Variants in CSPG4 observed in about 807,000 individuals in gnomAD.
The protein encoded by CSPG4 is chondroitin sulfate proteoglycan 4 (melanoma-associated).
CSPG4 carries 74 observed loss-of-function variants against 139.3 expected under a neutral mutation model. That is an observed-to-expected ratio of 0.53 (90% CI 0.44 to 0.64). CSPG4 has a LOEUF of 0.64. Among genes scored for constraint, CSPG4 ranks in the 30% least tolerant of loss-of-function variants. The probability of loss-of-function intolerance (pLI) is 0.00; values close to 1 mark genes in which losing one functional copy is unlikely to be tolerated. For synonymous variants in CSPG4, 1,234 were observed against 1,394.2 expected (o/e 0.89, Z 2.56); for missense variants, 2,565 against 3,148.3 (o/e 0.81, Z 4.43).
Position 75,698,580 on chromosome 15 carries a change from C to T in CSPG4, c.89-5347G>A, listed in dbSNP as rs907372731. On this transcript the variant is annotated intron_variant, in intron 1 of 9. Coordinates refer to ENST00000308508, the MANE Select transcript of CSPG4 (RefSeq NM_001897.5). This position sits in a 1 kb window ranked among gnomAD's most constrained non-coding sequence, Gnocchi z 4.3. ...TGTGGGTCAGTGTCACATGTACACA[C>T]GTGTGTGGCGGCAAGGCAGGCGAGG... 1.1e-4 allele frequency among the ~76,000 whole-genome samples: 17 copies of T among 152,174 alleles called. No homozygotes were observed. The highest frequency in any genetic ancestry group is 2.9e-4 in the African/African-American group (12 of 41,518).
intron 5 of CSPG4, among the ~76,000 whole-genome samples, chr15:75,683,258 C>T (rs556741028): frequency 6.6e-6 from 1 of 152,286 alleles, no homozygotes; most frequent in East Asian, 1.9e-4. Flanking sequence ...CCCTCCAGGC[C>T]CAGCCTCCCT....
rs1894226693 is a variant in CSPG4, at chr15:75,696,325, C to T, written c.89-3092G>A. Among the ~76,000 whole-genome samples the T allele has an allele frequency of 6.6e-6, 1 of 152,050 alleles. No homozygotes were observed. The stretch of plus-strand genomic sequence containing the variant: ...CTTGGGCATGAGAGGAGCAGGATGC[C>T]CCACAGGTCTGGGGGCCCGTGGGAG... On this transcript the variant is annotated intron_variant, in intron 1 of 9. Coordinates refer to ENST00000308508, the MANE Select transcript of CSPG4 (RefSeq NM_001897.5). The surrounding 1 kb of genome is among the most constrained non-coding windows in gnomAD (Gnocchi z 4.2).
chr15:75,684,140 T>C (rs562222598), intron 5 of CSPG4, among the ~76,000 whole-genome samples: 1 of 152,054 alleles, frequency 6.6e-6, no homozygotes, highest in Non-Finnish European at 1.5e-5. Context: ...AAGCTGGGGT[T>C]CAAAGCCCTG....
At position 75,676,357 on chromosome 15, in the gene CSPG4, T is replaced by C. The variant is rs746777609; in HGVS notation, c.6162A>G (p.Pro2054=). ...GGCGCAGGGTGGCACCCTGGGGCCA[T>C]GGCCCACCTGCCCACACATGCAGCA... The part of the protein sequence containing the change: ...RALLHVWAGG[P]WPQGATLRLD... The change falls in exon 10 of 10, where the codon CCA becomes CCG. Residue 2054 remains proline (P), a synonymous_variant. Transcript: ENST00000308508. 1 of 1,613,200 alleles carries C rather than the reference T, an allele frequency of 6.2e-7. No homozygotes were observed. The highest frequency in any genetic ancestry group is 8.5e-7 in the Non-Finnish European group (1 of 1,179,992).
At chr15:75,711,713 G>T (rs1894449182) in intron 1 of CSPG4, among the ~76,000 whole-genome samples, 1 of 152,218 alleles carries the variant, frequency 6.6e-6, no homozygotes, top group African/African-American at 2.4e-5. Flanking sequence ...GTTGCTCTTG[G>T]GAATGATCTC....
At chr15:75,683,684 T>G (rs1283049289) in intron 5 of CSPG4, among the ~76,000 whole-genome samples, 1 of 152,046 alleles carries the variant, frequency 6.6e-6, no homozygotes, top group Non-Finnish European at 1.5e-5. Context: ...AGCAGGTGCC[T>G]GTTCCTGAGG....
At position 75,676,662 on chromosome 15, in the gene CSPG4, G is replaced by A; in HGVS notation, c.5857C>T (p.Pro1953Ser). The A allele has an allele frequency of 6.3e-7, 1 of 1,597,504 alleles. No homozygotes were observed. Among genetic ancestry groups the A allele is most frequent in the Non-Finnish European group, 8.5e-7 (1 of 1,171,180 alleles). ...EVQLRAPLEV[P>S]QALGRSSLSQ... ...AGTGAGGAGCGCCCCAAAGCTTGGG[G>A]CACCTCCAGGGGTGCCCGCAGCTGC... The change falls in exon 10 of 10, where the codon CCC becomes TCC. Residue 1953 changes from proline to serine, a missense_variant. By Grantham distance (74) the Pro-to-Ser change is moderately conservative. Around this residue, in one of 5 missense-constraint regions of CSPG4, gnomAD observed 2,316 missense variants for 2,818.2 expected, o/e 0.82. Transcript: ENST00000308508.
chr15:75,683,851 G>A (rs1419228879), intron 5 of CSPG4, among the ~76,000 whole-genome samples: 2 of 152,198 alleles, frequency 1.3e-5, no homozygotes, highest in Admixed American at 1.3e-4. Flanking sequence ...ATAATGTTGC[G>A]GGGCAGGACC....
At chr15:75,682,787 A>G (rs1444904608) in intron 6 of CSPG4, 46 bp from the exon 7 acceptor site, 12 of 1,607,142 alleles carry the variant, frequency 7.5e-6, no homozygotes, top group Middle Eastern at 3.6e-4. Flanking sequence ...CCGGCTCCCC[A>G]TCTCAGGGCA....
chr15:75,704,482 C>A (rs1216275339), intron 1 of CSPG4, among the ~76,000 whole-genome samples: 1 of 151,982 alleles, frequency 6.6e-6, no homozygotes, highest in Non-Finnish European at 1.5e-5. Flanking sequence ...AGAGATGGAA[C>A]CTTGGCCAGG....
chr15:75,676,214 G>C lies in CSPG4; in HGVS notation c.6305C>G (p.Thr2102Arg). The change falls in exon 10 of 10, where the codon ACG becomes AGG. Residue 2102 changes from threonine (T) to arginine (R), a missense_variant. Coordinates refer to ENST00000308508, the MANE Select transcript of CSPG4 (RefSeq NM_001897.5). ...CACCAGCTGGCTGCCCCCGGGCTCCGTCCTGGCTCGGGGCACGCGGACCAC... is the reference window on the plus strand; with the variant it reads ...CACCAGCTGGCTGCCCCCGGGCTCCCTCCTGGCTCGGGGCACGCGGACCAC... Reference protein sequence around the residue: ...GRVVRVPRARTEPGGSQLVEQ... With the variant: ...GRVVRVPRARREPGGSQLVEQ... 1 of 1,551,880 alleles carries C rather than the reference G, an allele frequency of 6.4e-7. No homozygotes were observed. The highest frequency in any genetic ancestry group is 8.7e-7 in the Non-Finnish European group (1 of 1,155,486).
rs1011293001 is a variant in CSPG4 at position 75,689,945 on chromosome 15, G to A, written c.1120C>T (p.Arg374Cys). ...RRGLREALLT[R>C]NMAAGCRLEE... is the part of the protein sequence containing the mutation. ...AGCCTGCAGCCGGCTGCCATGTTGC[G>A]CGTCAGCAAAGCTTCCCGCAGCCCC... The change falls in exon 3 of 10, where the codon CGC becomes TGC. Residue 374 changes from arginine (R) to cysteine (C), a missense_variant. By Grantham distance (180) the Arg-to-Cys change is radical. Transcript: ENST00000308508. The A allele has an allele frequency of 1.2e-5, 19 of 1,611,584 alleles. No individual in the cohort carries two copies. The highest frequency in any genetic ancestry group is 5.0e-5 in the Admixed American group (3 of 59,910).
upstream of CSPG4, among the ~76,000 whole-genome samples, chr15:75,713,230 A>G (rs1297965736): frequency 3.9e-5 from 6 of 152,200 alleles, no homozygotes; most frequent in Non-Finnish European, 5.9e-5. Flanking sequence ...GAGGAAGGAC[A>G]GACACCAGCC....
At chr15:75,694,011 T>C (rs1894196405) in intron 1 of CSPG4, among the ~76,000 whole-genome samples, 2 of 152,226 alleles carry the variant, frequency 1.3e-5, no homozygotes, top group African/African-American at 2.4e-5. Context: ...TGGAGAGCTA[T>C]TCACAGTCCC....
chr15:75,684,277 G>C (rs746744857), intron 5 of CSPG4, among the ~76,000 whole-genome samples: 9 of 152,246 alleles, frequency 5.9e-5, no homozygotes, highest in Non-Finnish European at 1.3e-4. Context: ...ACCTCTGCCT[G>C]AGCGAAGTTC....
intron 1 of CSPG4, among the ~76,000 whole-genome samples, chr15:75,700,725 T>C (rs1460446313): frequency 1.3e-5 from 2 of 151,906 alleles, no homozygotes; most frequent in Non-Finnish European, 2.9e-5. Flanking sequence ...ACAGGGCTGC[T>C]GGGGCGGCGT....
At chr15:75,683,728 C>A (rs1054121657) in intron 5 of CSPG4, among the ~76,000 whole-genome samples, 1 of 152,288 alleles carries the variant, frequency 6.6e-6, no homozygotes, top group East Asian at 1.9e-4. Flanking sequence ...CAATTACTTG[C>A]GGGCAGAGCT....
chr15:75,688,165 C>A lies in CSPG4; in HGVS notation c.2900G>T (p.Arg967Leu), dbSNP rs202195663. Residue 967 changes from arginine (R) to leucine (L), a missense_variant, in exon 3 of 10, where the codon CGT (arginine) becomes CTT (leucine). Physicochemically the swap from Arg to Leu is moderately radical, Grantham distance 102. Coordinates refer to ENST00000308508, the MANE Select transcript of CSPG4 (RefSeq NM_001897.5). The stretch of plus-strand genomic sequence containing the variant: ...ATCATGCTGGTAGACCAGCCGGCCA[C>A]GCAACAGGTCTTCATTGGTGAAGGA... ...VTSFTNEDLL[R>L]GRLVYQHDDS... 4.3e-6 allele frequency: 7 copies of A among 1,612,686 alleles called. No individual in the cohort carries two copies. The African/African-American group carries it at 8.0e-5, about 18-fold the overall frequency.
intron 8 of CSPG4, among the ~76,000 whole-genome samples, chr15:75,678,156 A>T (rs1489463380): frequency 6.6e-6 from 1 of 152,108 alleles, no homozygotes; most frequent in African/African-American, 2.4e-5. Context: ...GAATGCAATG[A>T]TCTGTCTGTG....
Sources: gnomAD v4.1 joint callset for allele counts (sites outside exome capture counted in the v4.1 genomes callset) on GRCh38, gnomAD v4.1.1 for gene constraint, gnomAD v4.1.1 regional missense constraint, Gnocchi (gnomAD v3.1) non-coding constraint, MANE v1.5 for transcripts, NCBI Gene and HGNC (gene_info 2026-07-23, HGNC 2026-07-21) for gene names.